The following DNAI3 variants were observed in gnomAD, a reference collection of about 807,000 sequenced individuals.
DNAI3 encodes the protein WD repeat domain 63.
A neutral mutation model predicts 115.5 loss-of-function variants in DNAI3; 83 were observed. That is an observed-to-expected ratio of 0.72 (90% CI 0.60 to 0.86). The LOEUF (loss-of-function observed/expected upper bound fraction) is 0.86, where lower values mean the gene tolerates loss of function less well. Among genes scored for constraint, DNAI3 ranks in the 40% least tolerant of loss-of-function variants. The pLI is 0.00. For missense variants in DNAI3, 1,004 were observed against 1,075.8 expected (o/e 0.93, Z 0.93); for synonymous variants, 320 against 347.0 (o/e 0.92, Z 0.86).
At chr1:85,075,326 G>A (rs755893294) in intron 3 of DNAI3, among the ~76,000 whole-genome samples, 1 of 152,142 alleles carries the variant, frequency 6.6e-6, no homozygotes, top group Non-Finnish European at 1.5e-5. Flanking sequence ...GAATTGACTG[G>A]TAAGAAAATC....
At chr1:85,108,335 T>C (rs927769278) in intron 15 of DNAI3, among the ~76,000 whole-genome samples, 158 bp downstream of exon 15, 4 of 152,130 alleles carry the variant, frequency 2.6e-5, no homozygotes, top group Non-Finnish European at 5.9e-5. Context: ...AATTCCTTGA[T>C]TGGGAGGATT....
At chr1:85,103,565 A>AT (rs756768617) in intron 13 of DNAI3, among the ~76,000 whole-genome samples, 23 of 152,312 alleles carry the variant, frequency 1.5e-4, no homozygotes, top group Admixed American at 5.9e-4. Context: ...AAATGGTGGT[A>AT]TATCATCCGT....
chr1:85,130,202 G>A (rs551036098), intron 22 of DNAI3, 90 bp downstream of exon 22: 1 of 1,556,036 alleles, frequency 6.4e-7, no homozygotes, highest in South Asian at 1.2e-5. Context: ...CCATAGAAAA[G>A]TTATACTTTT....
chr1:85,127,248 C>T (rs753792084), intron 20 of DNAI3, among the ~76,000 whole-genome samples: 25 of 152,098 alleles, frequency 1.6e-4, no homozygotes, highest in Non-Finnish European at 3.4e-4. Context: ...TGTATTTAAG[C>T]TTTAACCTTT....
At chr1:85,068,798 C>T (rs1211143846) in intron 1 of DNAI3, among the ~76,000 whole-genome samples, 1 of 152,084 alleles carries the variant, frequency 6.6e-6, no homozygotes. Flanking sequence ...GCAGAGAATC[C>T]CTCCCCCATT....
At chr1:85,108,761 G>C (rs1195632859) in intron 15 of DNAI3, among the ~76,000 whole-genome samples, 1 of 152,108 alleles carries the variant, frequency 6.6e-6, no homozygotes, top group African/African-American at 2.4e-5. Flanking sequence ...TTCAACCTTT[G>C]CCTCCCTTCT....
intron 5 of DNAI3, among the ~76,000 whole-genome samples, chr1:85,084,277 T>TATATATAC (rs59205168): frequency 0.028 from 3,553 of 128,308 alleles, 131 homozygotes; most frequent in East Asian, 0.091. Context: ...TATATATATA[T>TATATATAC]ACACATCCAT....
In DNAI3 at chr1:85,073,106, T is replaced by C. The variant is rs1426490339; in HGVS notation, c.103+14T>C. 1.3e-6 allele frequency: 2 copies of C among 1,528,264 alleles called. No homozygotes were observed. Among genetic ancestry groups the C allele is most frequent in the African/African-American group, 1.4e-5 (1 of 72,532 alleles). The allele number at this position is 1,528,264 out of a possible 1,614,324, so 94.7% of individuals were successfully genotyped here. On this transcript the variant is annotated intron_variant, in intron 3 of 22. Transcript: ENST00000294664. ...TGGAGAGCATGGGTAAGTGGAAATA[T>C]AATTTACAACTTACATCCTCAGTTT... is the stretch of plus-strand genomic sequence containing the variant.
At chr1:85,073,248 T>A (rs1053867056) in intron 3 of DNAI3, among the ~76,000 whole-genome samples, 156 bp downstream of exon 3, 1 of 152,078 alleles carries the variant, frequency 6.6e-6, no homozygotes, top group African/African-American at 2.4e-5. Flanking sequence ...TGAAAAATTT[T>A]TAAAAGAAAA....
At chr1:85,085,424 A>G (rs552762343) in intron 6 of DNAI3, among the ~76,000 whole-genome samples, 3 of 152,312 alleles carry the variant, frequency 2.0e-5, no homozygotes, top group African/African-American at 7.2e-5. Flanking sequence ...GAACAGGGAT[A>G]TGGAGGAAGG....
At chr1:85,063,835 A>G (rs975731618) in intron 1 of DNAI3, among the ~76,000 whole-genome samples, 1 of 152,136 alleles carries the variant, frequency 6.6e-6, no homozygotes, top group Admixed American at 6.6e-5. Context: ...TTCAGGGAGG[A>G]GAATCTGTGG....
intron 10 of DNAI3, 102 bp from the exon 11 acceptor site, chr1:85,095,829 G>A: frequency 3.5e-6 from 4 of 1,134,820 alleles, no homozygotes. Context: ...CTTGCTTATA[G>A]ATAGCTATAA....
intron 13 of DNAI3, chr1:85,099,199 T>C (rs1370903723): frequency 2.1e-6 from 2 of 950,278 alleles, no homozygotes; most frequent in Non-Finnish European, 2.5e-6. Flanking sequence ...AAGCATGGGA[T>C]CTATAAATTT....
chr1:85,121,034 G>T (rs1426674715), intron 17 of DNAI3, among the ~76,000 whole-genome samples: 1 of 152,134 alleles, frequency 6.6e-6, no homozygotes, highest in Admixed American at 6.5e-5. Context: ...TTAGGAGATC[G>T]CATGGGGTGA....
intron 1 of DNAI3, among the ~76,000 whole-genome samples, chr1:85,064,498 A>C (rs145370825): frequency 7.9e-5 from 12 of 152,230 alleles, no homozygotes; most frequent in African/African-American, 2.9e-4. Flanking sequence ...GGTCTTAGTG[A>C]AGATTTACTG....
chr1:85,063,461 G>C (rs1654000171), intron 1 of DNAI3, among the ~76,000 whole-genome samples: 1 of 152,178 alleles, frequency 6.6e-6, no homozygotes, highest in South Asian at 2.1e-4. Flanking sequence ...GGCACACTGT[G>C]AAAGTACTGA....
chr1:85,076,516 G>T (rs1186338134), intron 3 of DNAI3, among the ~76,000 whole-genome samples: 1 of 152,138 alleles, frequency 6.6e-6, no homozygotes, highest in African/African-American at 2.4e-5. Flanking sequence ...GAAAAAAGAG[G>T]TTTAATTGAC....
At chr1:85,084,122 ATTT>A (rs11314442) in intron 5 of DNAI3, among the ~76,000 whole-genome samples, 3 of 140,984 alleles carry the variant, frequency 2.1e-5, no homozygotes, top group African/African-American at 2.6e-5. Context: ...CATTTGGTTG[ATTT>A]TTTTTTTTTT....
intron 2 of DNAI3, among the ~76,000 whole-genome samples, chr1:85,072,503 G>A (rs61769367): frequency 6.6e-6 from 1 of 151,288 alleles, no homozygotes; most frequent in Non-Finnish European, 1.5e-5. Context: ...TTAGCCAGGC[G>A]TGGTGGCACG....
Sources: allele counts gnomAD v4.1 joint callset (sites outside exome capture counted in the v4.1 genomes callset), GRCh38; gene constraint gnomAD v4.1.1; transcripts MANE v1.5; gene names NCBI Gene and HGNC (gene_info 2026-07-23, HGNC 2026-07-21).